Variants in DCHS2 observed in about 807,000 individuals in gnomAD.
DCHS2 encodes protocadherin-23.
In DCHS2, 142 loss-of-function variants were observed where a neutral mutation model predicts 182.4. The observed-to-expected ratio is 0.78, with a 90% CI of 0.68 to 0.89. The LOEUF is 0.89. Among genes scored for constraint, DCHS2 ranks in the 40% least tolerant of loss-of-function variants. The pLI, the probability that DCHS2 is intolerant of heterozygous loss-of-function variation, is 0.00. For missense variants in DCHS2, 4,319 were observed against 4,198.6 expected (o/e 1.03, Z -0.79); for synonymous variants, 1,740 against 1,663.3 (o/e 1.05, Z -1.12).
intron 3 of DCHS2, among the ~76,000 whole-genome samples, chr4:154,364,400 A>G (rs757399727): frequency 6.6e-6 from 1 of 152,230 alleles, no homozygotes; most frequent in Non-Finnish European, 1.5e-5. Context: ...TGGCTGACCT[A>G]TATATTTTTG....
At position 154,232,932 on chromosome 4, in the gene DCHS2, C is replaced by CATAG. The variant is rs529665202; in HGVS notation, c.*1600_*1603dup. 1.4e-4 allele frequency: 21 copies of CATAG among 151,990 alleles called. No homozygotes were observed. Among genetic ancestry groups the CATAG allele is most frequent in the Admixed American group, 1.1e-3 (17 of 15,250 alleles). The allele number at this position is 151,990 out of a possible 1,614,324, so 9.4% of individuals were successfully genotyped here. On this transcript the variant is annotated 3_prime_UTR_variant, in exon 20 of 20. Coordinates refer to ENST00000357232, the MANE Select transcript of DCHS2 (RefSeq NM_001358235.2). ...TACATTTGTTCCCAATCTCAGTCAGCATAGATAGATAATAGAAAATATCAG... is the reference window on the plus strand; with the variant it reads ...TACATTTGTTCCCAATCTCAGTCAGCATAGATAGATAGATAATAGAAAATATCAG...
intron 13 of DCHS2, among the ~76,000 whole-genome samples, chr4:154,277,879 A>C (rs1192008368): frequency 6.6e-6 from 1 of 152,016 alleles, no homozygotes; most frequent in Non-Finnish European, 1.5e-5. Flanking sequence ...TGTCTCTACC[A>C]AAAATAAAAA....
intron 1 of DCHS2, among the ~76,000 whole-genome samples, chr4:154,436,147 T>G (rs1733769255): frequency 6.6e-6 from 1 of 152,198 alleles, no homozygotes; most frequent in Admixed American, 6.5e-5. Context: ...TCTACCTTCA[T>G]GTTATTTTTC....
intron 13 of DCHS2, among the ~76,000 whole-genome samples, chr4:154,288,529 G>A (rs1481523457): frequency 5.9e-4 from 89 of 152,074 alleles, no homozygotes; most frequent in Non-Finnish European, 2.9e-5. Context: ...AATCAACAAG[G>A]AAATATTGAA....
At chr4:154,258,605 G>A (rs1306940278) in intron 15 of DCHS2, among the ~76,000 whole-genome samples, 3 of 152,040 alleles carry the variant, frequency 2.0e-5, no homozygotes, top group Admixed American at 2.0e-4. Context: ...TCGAACTCCT[G>A]ACCTCAGGTG....
In DCHS2 at chr4:154,239,569, C is replaced by T. The variant is rs150172669; in HGVS notation, c.7360-267G>A. ...TGTTGCCCAGGCTGGAGTGCAGTGG[C>T]GCAGTCTTAGCTCACTGCATCCTCT... On this transcript the variant is annotated intron_variant, in intron 18 of 19. Coordinates refer to ENST00000357232, the MANE Select transcript of DCHS2 (RefSeq NM_001358235.2). Among the ~76,000 whole-genome samples, 1,098 of 152,216 alleles carry T rather than the reference C, an allele frequency of 7.2e-3. 20 individuals carry two copies. The highest frequency in any genetic ancestry group is 0.024 in the African/African-American group (997 of 41,542).
intron 1 of DCHS2, among the ~76,000 whole-genome samples, chr4:154,460,198 A>G (rs1038193590): frequency 2.0e-5 from 3 of 152,232 alleles, no homozygotes; most frequent in African/African-American, 7.2e-5. Context: ...CAGAAGGGAA[A>G]AAGCAAAGCA....
intron 1 of DCHS2, among the ~76,000 whole-genome samples, chr4:154,383,908 A>C (rs1357238968): frequency 6.6e-6 from 1 of 152,218 alleles, no homozygotes; most frequent in East Asian, 1.9e-4. Context: ...AGCAGCACTT[A>C]AGATGAAATT....
At position 154,490,758 on chromosome 4, in the gene DCHS2, T is replaced by G. The variant is rs1487164621; in HGVS notation, c.598A>C (p.Ser200Arg). The G allele has an allele frequency of 6.4e-7, 1 of 1,551,476 alleles. No individual in the cohort carries two copies. The highest frequency in any genetic ancestry group is 1.4e-5 in the African/African-American group (1 of 73,054). ...TGCACCAGGGTGTAGCCCTGAGTGC[T>G]GAACAGTCCGGCGTCCGGATCGTGG... The part of the protein sequence containing the change: ...VAHDPDAGLF[S>R]TQGYTLVQPS... Residue 200 changes from serine (S) to arginine (R), a missense_variant, in exon 1 of 20, where the codon AGC becomes CGC. Ser to Arg is a moderately radical substitution (Grantham distance 110). Coordinates refer to ENST00000357232, the MANE Select transcript of DCHS2 (RefSeq NM_001358235.2).
In DCHS2 at chr4:154,490,381, C is replaced by G; in HGVS notation, c.975G>C (p.Leu325=). The G allele has an allele frequency of 1.3e-6, 2 of 1,534,880 alleles. No individual in the cohort carries two copies. The highest frequency in any genetic ancestry group is 1.7e-6 in the Non-Finnish European group (2 of 1,144,790). The change falls in exon 1 of 20, where the codon CTG becomes CTC. Residue 325 remains leucine, a synonymous_variant. Transcript: ENST00000357232. ...TGTAGCGCACGAAGCCATTGGGCCC[C>G]AGGTCGCGGTCGGTGGCGCGCACGC... The part of the protein sequence containing the change: ...VCRVRATDRD[L]GPNGFVRYSV...
intron 3 of DCHS2, chr4:154,355,639 C>G (rs1047362939): frequency 1.3e-5 from 2 of 152,122 alleles, no homozygotes; most frequent in Non-Finnish European, 2.9e-5. Context: ...GGGGTCTAGA[C>G]CAGGACCAGC....
At chr4:154,303,428 C>T (rs1451851369) in intron 12 of DCHS2, among the ~76,000 whole-genome samples, 1 of 120,830 alleles carries the variant, frequency 8.3e-6, no homozygotes, top group Non-Finnish European at 1.7e-5. Flanking sequence ...TAGTTGACAA[C>T]ATAAAAATAT....
chr4:154,253,683 A>AGTT (rs1466159398), intron 16 of DCHS2, among the ~76,000 whole-genome samples: 2 of 152,254 alleles, frequency 1.3e-5, no homozygotes, highest in Admixed American at 1.3e-4. Flanking sequence ...AATTTATAAT[A>AGTT]GTTAATACAG....
At position 154,417,204 on chromosome 4, in the gene DCHS2, TGAGAGAGA is replaced by T. The variant is rs70947163; in HGVS notation, c.2053-39768_2053-39761del. 7.8e-3 allele frequency among the ~76,000 whole-genome samples: 308 copies of T among 39,434 alleles called. 1 individual carries two copies. The highest frequency in any genetic ancestry group is 0.011 in the African/African-American group (120 of 10,620). The allele number at this position is 39,434 out of a possible 152,430, so 25.9% of individuals were successfully genotyped here. A position where few individuals can be genotyped will look rare whatever the true frequency, so the allele number is the denominator to read the frequency against. Reference sequence around the variant, plus strand: ...GTGTGTGTGTGTGTGTGTGTGTGTGTGAGAGAGAGAGAGAGAGAGAGAGAGAGAGAGAG... The same window carrying T: ...GTGTGTGTGTGTGTGTGTGTGTGTGTGAGAGAGAGAGAGAGAGAGAGAGAG... On this transcript the variant is annotated intron_variant, in intron 1 of 19. Transcript: ENST00000357232.
At chr4:154,426,506 G>A (rs1481411749) in intron 1 of DCHS2, among the ~76,000 whole-genome samples, 1 of 152,150 alleles carries the variant, frequency 6.6e-6, no homozygotes, top group African/African-American at 2.4e-5. Flanking sequence ...ATGAAGAATT[G>A]TAATACAAAG....
At position 154,270,024 on chromosome 4, in the gene DCHS2, T is replaced by G. The variant is rs754328706; in HGVS notation, c.6464-11A>C. 1.3e-6 allele frequency: 2 copies of G among 1,586,804 alleles called. No individual in the cohort carries two copies. The stretch of plus-strand genomic sequence containing the variant: ...TCACAATAGAAGTACCTGTAAAAAT[T>G]AGGTAAAAAAAGAACTCCATTAGGA... On this transcript the variant is annotated splice_polypyrimidine_tract_variant and intron_variant, in intron 13 of 19. Coordinates refer to ENST00000357232, the MANE Select transcript of DCHS2 (RefSeq NM_001358235.2).
At chr4:154,383,655 G>T (rs1484217883) in intron 1 of DCHS2, among the ~76,000 whole-genome samples, 1 of 152,046 alleles carries the variant, frequency 6.6e-6, no homozygotes, top group Non-Finnish European at 1.5e-5. Context: ...GAATGGATCT[G>T]CTTACATCCC....
At chr4:154,482,200 G>C (rs1397896803) in intron 1 of DCHS2, among the ~76,000 whole-genome samples, 1 of 152,176 alleles carries the variant, frequency 6.6e-6, no homozygotes, top group Non-Finnish European at 1.5e-5. Flanking sequence ...CTGTTCAATA[G>C]AATATACTAT....
chr4:154,391,527 AAG>A (rs995464601), intron 1 of DCHS2, among the ~76,000 whole-genome samples: 1 of 152,200 alleles, frequency 6.6e-6, no homozygotes, highest in Admixed American at 6.5e-5. Context: ...GACTGAGGCA[AAG>A]GAGTGCTTCT....
Sources: gnomAD v4.1 joint callset for allele counts (sites outside exome capture counted in the v4.1 genomes callset) on GRCh38, gnomAD v4.1.1 for gene constraint, MANE v1.5 for transcripts, NCBI Gene and HGNC (gene_info 2026-07-23, HGNC 2026-07-21) for gene names.